The following AHNAK variants were observed in gnomAD, a reference collection of about 807,000 sequenced individuals.
AHNAK encodes the protein neuroblast differentiation-associated protein AHNAK.
A neutral mutation model predicts 37.8 loss-of-function variants in AHNAK; 23 were observed. That is an observed-to-expected ratio of 0.61 (90% confidence interval 0.44 to 0.86). The LOEUF (loss-of-function observed/expected upper bound fraction) is 0.86. Among genes scored for constraint, AHNAK ranks in the 40% least tolerant of loss-of-function variants. The pLI, the probability that AHNAK is intolerant of heterozygous loss-of-function variation, is 0.00. For synonymous variants in AHNAK, 2,481 were observed against 2,636.3 expected, an observed-to-expected ratio of 0.94 and a Z score of 1.80; for missense variants, 7,411 against 7,319.4, an observed-to-expected ratio of 1.01 and a Z score of -0.46.
At chr11:62,476,209 G>A (rs1053657189) in intron 5 of AHNAK, among the ~76,000 whole-genome samples, 19 of 152,054 alleles carry the variant, frequency 1.2e-4, no homozygotes, top group Admixed American at 9.8e-4. Flanking sequence ...CCAACATGGC[G>A]AAACTCCCAT....
At chr11:62,515,148 G>T (rs1420532110), downstream of AHNAK, among the ~76,000 whole-genome samples, 1 of 152,198 alleles carries the variant, frequency 6.6e-6, no homozygotes. Context: ...ATCAAAAGGG[G>T]ACTTTGGTCA....
Position 62,529,952 on chromosome 11 carries a change from C to T in AHNAK, c.4465G>A (p.Gly1489Ser), listed in dbSNP as rs1319522907. 1.9e-6 allele frequency: 3 copies of T among 1,612,992 alleles called. No homozygotes were observed. The highest frequency in any genetic ancestry group is 1.7e-6 in the Non-Finnish European group (2 of 1,179,774). The change falls in exon 5 of 5, where the codon GGC (glycine) becomes AGC (serine). Residue 1489 changes from glycine to serine, a missense_variant. Physicochemically the swap from Gly to Ser is moderately conservative, Grantham distance 56. Coordinates refer to ENST00000378024, the MANE Select transcript of AHNAK (RefSeq NM_001620.3). Reference sequence around the variant, plus strand: ...GGTGCATTAATATCAACTTTGGGGCCTTTGATGTCAACATCAGGAGCTTTT... The same window carrying T: ...GGTGCATTAATATCAACTTTGGGGCTTTTGATGTCAACATCAGGAGCTTTT... ...EIKAPDVDIK[G>S]PKVDINAPDV...
chr11:62,535,492 T>C (rs1044334065), intron 3 of AHNAK, among the ~76,000 whole-genome samples: 2 of 151,862 alleles, frequency 1.3e-5, no homozygotes, highest in African/African-American at 2.4e-5. Context: ...CTACTAAAAA[T>C]GCAAAATTAG....
chr11:62,482,633 C>G (rs889805011), intron 5 of AHNAK, among the ~76,000 whole-genome samples: 4 of 152,074 alleles, frequency 2.6e-5, no homozygotes, highest in Admixed American at 2.0e-4. Flanking sequence ...ACGCCATGCC[C>G]GACACATAGA....
Position 62,527,543 on chromosome 11 carries a change from C to G in AHNAK, c.6874G>C (p.Glu2292Gln), listed in dbSNP as rs1940543194. 1 of 1,612,568 alleles carries G rather than the reference C, an allele frequency of 6.2e-7. No individual in the cohort carries two copies. The highest frequency in any genetic ancestry group is 8.5e-7 in the Non-Finnish European group (1 of 1,179,616). ...AACTTGGGGCCCTTCAGCTTCCCTT[C>G]TGGACCTTCAAGGCTCACATCTGGG... ...EVPDVSLEGP[E>Q]GKLKGPKFKM... Residue 2292 changes from glutamate to glutamine, a missense_variant, in exon 5 of 5, where the codon GAA becomes CAA. Coordinates refer to ENST00000378024, the MANE Select transcript of AHNAK (RefSeq NM_001620.3).
rs1565222140 is a variant in AHNAK, at chr11:62,517,352, C to T, written c.17065G>A (p.Ala5689Thr). ...TCTCCAGCACCAGCTTGGATGCTGGCCTCTGCTTTAGGGAAGTGAACATCC... is the reference window on the plus strand; with the variant it reads ...TCTCCAGCACCAGCTTGGATGCTGGTCTCTGCTTTAGGGAAGTGAACATCC... ...GVDVHFPKAE[A>T]SIQAGAGDGE... is the part of the protein sequence containing the mutation. Residue 5689 changes from alanine to threonine, a missense_variant, in exon 5 of 5, where the codon GCC (alanine) becomes ACC (threonine). Ala to Thr is a moderately conservative substitution (Grantham distance 58). Coordinates refer to ENST00000378024, the MANE Select transcript of AHNAK (RefSeq NM_001620.3). 9 of 1,614,198 alleles carry T rather than the reference C, an allele frequency of 5.6e-6. No homozygotes were observed. Among genetic ancestry groups the T allele is most frequent in the Non-Finnish European group, 6.8e-6 (8 of 1,180,038 alleles).
chr11:62,484,177 G>A (rs1939341343), intron 5 of AHNAK, among the ~76,000 whole-genome samples: 1 of 152,016 alleles, frequency 6.6e-6, no homozygotes, highest in Non-Finnish European at 1.5e-5. Context: ...AAGAGCTCAA[G>A]ACCAGTCTGA....
chr11:62,503,987 C>T (rs946600119), intron 4 of AHNAK, among the ~76,000 whole-genome samples: 5 of 151,992 alleles, frequency 3.3e-5, no homozygotes, highest in African/African-American at 1.2e-4. Context: ...ATGGTGAAAC[C>T]CCATCTCTAC....
Position 62,520,620 on chromosome 11 carries a change from G to A in AHNAK, c.13797C>T (p.Asp4599=), listed in dbSNP as rs1476527747. The change falls in exon 5 of 5, where the codon GAC becomes GAT. Residue 4599 remains aspartate (D), a synonymous_variant. Coordinates refer to ENST00000378024, the MANE Select transcript of AHNAK (RefSeq NM_001620.3). ...KAPKISMPEV[D]LNLKGPKVKG... The stretch of plus-strand genomic sequence containing the variant: ...TCACCTTTGGACCTTTCAGATTCAG[G>A]TCAACTTCAGGCATAGAGATCTTCG... 4 of 1,613,982 alleles carry A rather than the reference G, an allele frequency of 2.5e-6. No homozygotes were observed. Among genetic ancestry groups the A allele is most frequent in the Non-Finnish European group, 3.4e-6 (4 of 1,179,982 alleles).
chr11:62,517,788 C>A lies in AHNAK; in HGVS notation c.16629G>T (p.Val5543=). 1 of 1,614,238 alleles carries A rather than the reference C, an allele frequency of 6.2e-7. No individual in the cohort carries two copies. Among genetic ancestry groups the A allele is most frequent in the Non-Finnish European group, 8.5e-7 (1 of 1,180,038 alleles). The change falls in exon 5 of 5, where the codon GTG becomes GTT. Residue 5543 remains valine (V), a synonymous_variant. Coordinates refer to ENST00000378024, the MANE Select transcript of AHNAK (RefSeq NM_001620.3). ...GFHGAAPDIS[V]KGPAFNMASP... Reference sequence around the variant, plus strand: ...ATGCCATATTAAAGGCAGGCCCCTTCACACTGATATCAGGAGCAGCCCCAT... The same window carrying A: ...ATGCCATATTAAAGGCAGGCCCCTTAACACTGATATCAGGAGCAGCCCCAT...
rs573708225 is a variant in AHNAK at position 62,444,718 on chromosome 11, G to A, written c.443-10827C>T. ...AGCACGCATGCGCGATGGGCACTCC[G>A]GGTGCGTCAGCTGATTACCTGATTT... On this transcript the variant is annotated intron_variant, in intron 5 of 5. Transcript: ENST00000257247. Among the ~76,000 whole-genome samples, 10 of 152,366 alleles carry A rather than the reference G, an allele frequency of 6.6e-5. No homozygotes were observed. In the East Asian group the frequency reaches 1.9e-3, roughly 29 times the overall value.
chr11:62,516,120 A>G lies in AHNAK; in HGVS notation c.*624T>C, dbSNP rs1411090871. On this transcript the variant is annotated 3_prime_UTR_variant, in exon 5 of 5. Coordinates refer to ENST00000378024, the MANE Select transcript of AHNAK (RefSeq NM_001620.3). ...TCATGTTGAGGGGGTGGGTTGGACA[A>G]TTTGCAAACAGATTCTAATTTCCTC... 1 of 1,281,758 alleles carries G rather than the reference A, an allele frequency of 7.8e-7. No individual in the cohort carries two copies. Among genetic ancestry groups the G allele is most frequent in the African/African-American group, 1.5e-5 (1 of 65,554 alleles). The allele number at this position is 1,281,758 out of a possible 1,614,324, so 79.4% of individuals were successfully genotyped here.
rs754045105 is a variant in AHNAK at position 62,522,240 on chromosome 11, C to A, written c.12177G>T (p.Lys4059Asn). The A allele has an allele frequency of 8.1e-6, 13 of 1,606,638 alleles. No homozygotes were observed. The Admixed American group carries it at 2.2e-4, about 27-fold the overall frequency. The change falls in exon 5 of 5, where the codon AAG (lysine) becomes AAT (asparagine). Residue 4059 changes from lysine to asparagine, a missense_variant. Lys to Asn is a moderately conservative substitution (Grantham distance 94). Transcript: ENST00000378024. ...ATTTGGGCATTTTCACCTTGGGCATCTTCAGGTGCCAGTCTGGGCCATGAA... is the reference window on the plus strand; with the variant it reads ...ATTTGGGCATTTTCACCTTGGGCATATTCAGGTGCCAGTCTGGGCCATGAA... ...VDVHGPDWHL[K>N]MPKVKMPKFS...
At chr11:62,504,724 A>G (rs1375007033) in intron 4 of AHNAK, among the ~76,000 whole-genome samples, 1 of 152,094 alleles carries the variant, frequency 6.6e-6, no homozygotes, top group East Asian at 1.9e-4. Context: ...GGGAACCTTA[A>G]GGCCAAAACT....
Position 62,531,680 on chromosome 11 carries a change from C to A in AHNAK, c.2737G>T (p.Val913Leu), listed in dbSNP as rs1242582200. The A allele has an allele frequency of 6.2e-7, 1 of 1,614,022 alleles. No individual in the cohort carries two copies. Among genetic ancestry groups the A allele is most frequent in the African/African-American group, 1.3e-5 (1 of 74,894 alleles). The change falls in exon 5 of 5, where the codon GTG becomes TTG. Residue 913 changes from valine to leucine, a missense_variant. Physicochemically the swap from Val to Leu is conservative, Grantham distance 32. Transcript: ENST00000378024. Reference sequence around the variant, plus strand: ...TTCACATCTGGAACTTCAACACCCACCTTGGGTCCTGAGATGTCCACATCA... The same window carrying A: ...TTCACATCTGGAACTTCAACACCCAACTTGGGTCCTGAGATGTCCACATCA... ...KADVDISGPK[V>L]GVEVPDVNIE...
At chr11:62,438,769 G>A (rs1938235560) in intron 5 of AHNAK, among the ~76,000 whole-genome samples, 1 of 152,088 alleles carries the variant, frequency 6.6e-6, no homozygotes, top group African/African-American at 2.4e-5. Context: ...TCTGTTCTCT[G>A]CTCCTTTTAG....
chr11:62,491,254 C>T (rs536647703), intron 5 of AHNAK, among the ~76,000 whole-genome samples: 1 of 152,280 alleles, frequency 6.6e-6, no homozygotes. Flanking sequence ...CCCTCCAGCT[C>T]ACCCTCCATG....
intron 5 of AHNAK, among the ~76,000 whole-genome samples, chr11:62,483,654 C>A (rs1258494976): frequency 1.3e-5 from 2 of 150,638 alleles, no homozygotes; most frequent in African/African-American, 4.9e-5. Context: ...GTCAGGAGAT[C>A]GAGACCATCC....
intron 5 of AHNAK, among the ~76,000 whole-genome samples, chr11:62,450,446 GC>G (rs1565197934): frequency 6.6e-6 from 1 of 152,022 alleles, no homozygotes; most frequent in South Asian, 2.1e-4. Context: ...AACTGCCTTG[GC>G]CCCCCAAAGT....
Sources: gnomAD v4.1 joint callset for allele counts (sites outside exome capture counted in the v4.1 genomes callset) on GRCh38, gnomAD v4.1.1 for gene constraint, MANE v1.5 for transcripts, NCBI Gene and HGNC (gene_info 2026-07-23, HGNC 2026-07-21) for gene names.